Variants in RPL39L observed in about 807,000 individuals in gnomAD.
RPL39L encodes the protein ribosomal protein L39 like.
For missense variants in RPL39L, 48 were observed against 58.9 expected (o/e 0.81, Z 0.61); for synonymous variants, 16 against 20.1 (o/e 0.80, Z 0.55).
At chr3:187,127,430 G>T (rs560631564) in intron 2 of RPL39L, among the ~76,000 whole-genome samples, 98 of 152,368 alleles carry the variant, frequency 6.4e-4, no homozygotes, top group Non-Finnish European at 1.8e-4. Context: ...TACAGGTAAA[G>T]ATAGTGGTCA....
chr3:187,137,140 A>C (rs1270436725), intron 1 of RPL39L, among the ~76,000 whole-genome samples: 5 of 133,546 alleles, frequency 3.7e-5, no homozygotes, highest in African/African-American at 1.4e-4. Flanking sequence ...ATGAGGTTGT[A>C]GTGAGTCATG....
rs969090287 is a variant in RPL39L, at chr3:187,121,064, G to A, written c.*81C>T. ...AACATGTGCAACTGTCCAGGTAGTGGTGACATTTTCAGCTTGATATCGTAA... is the reference window on the plus strand; with the variant it reads ...AACATGTGCAACTGTCCAGGTAGTGATGACATTTTCAGCTTGATATCGTAA... On this transcript the variant is annotated 3_prime_UTR_variant, in exon 3 of 3. Transcript: ENST00000296277. The A allele has an allele frequency of 6.7e-7, 1 of 1,489,538 alleles. No individual in the cohort carries two copies. The allele number at this position is 1,489,538 out of a possible 1,614,324, so 92.3% of individuals were successfully genotyped here. A position where few individuals can be genotyped will look rare whatever the true frequency, so the allele number is the denominator to read the frequency against.
chr3:187,134,660 T>C (rs1202015983), intron 1 of RPL39L, among the ~76,000 whole-genome samples: 2 of 152,196 alleles, frequency 1.3e-5, no homozygotes, highest in African/African-American at 4.8e-5. Context: ...CCTTATGAGA[T>C]GGGTACCACC....
In RPL39L at chr3:187,138,005, T is replaced by C. The variant is rs146934607; in HGVS notation, c.-93+1208A>G. On this transcript the variant is annotated intron_variant, in intron 1 of 2. Coordinates refer to ENST00000296277, the MANE Select transcript of RPL39L (RefSeq NM_052969.3). ...TTTCTCTAAGCAAACTCTCTTAGGT[T>C]CTGAAATTGAGAAGGCGTGGAGGGT... Among the ~76,000 whole-genome samples the C allele has an allele frequency of 2.2e-3, 334 of 152,282 alleles. 2 individuals are homozygous for C. The highest frequency in any genetic ancestry group is 7.4e-3 in the African/African-American group (307 of 41,560).
At chr3:187,138,028 G>A (rs1240384712) in intron 1 of RPL39L, among the ~76,000 whole-genome samples, 1 of 152,020 alleles carries the variant, frequency 6.6e-6, no homozygotes, top group Non-Finnish European at 1.5e-5. Flanking sequence ...AGGCGTGGAG[G>A]GTGACTATTG....
intron 1 of RPL39L, among the ~76,000 whole-genome samples, chr3:187,131,674 C>A (rs1398836323): frequency 6.6e-6 from 1 of 152,184 alleles, no homozygotes; most frequent in African/African-American, 2.4e-5. Context: ...TTTTTCTAAT[C>A]TGTAATATGT....
At chr3:187,138,879 G>GT (rs1236633836) in intron 1 of RPL39L, among the ~76,000 whole-genome samples, 1 of 152,064 alleles carries the variant, frequency 6.6e-6, no homozygotes, top group African/African-American at 2.4e-5. Flanking sequence ...GACCAATATG[G>GT]TGAAACCCGT....
Position 187,121,076 on chromosome 3 carries a change from G to A in RPL39L, c.*69C>T. 6 of 1,554,842 alleles carry A rather than the reference G, an allele frequency of 3.9e-6. No homozygotes were observed. Among genetic ancestry groups the A allele is most frequent in the Non-Finnish European group, 5.3e-6 (6 of 1,132,020 alleles). ...TGTCCAGGTAGTGGTGACATTTTCA[G>A]CTTGATATCGTAAGATGATCGTGAA... On this transcript the variant is annotated 3_prime_UTR_variant, in exon 3 of 3. Coordinates refer to ENST00000296277, the MANE Select transcript of RPL39L (RefSeq NM_052969.3).
chr3:187,131,602 T>C (rs964827867), intron 1 of RPL39L, among the ~76,000 whole-genome samples: 7 of 152,158 alleles, frequency 4.6e-5, no homozygotes, highest in Admixed American at 4.6e-4. Context: ...CAGGCTCAAG[T>C]CTCACTGCCA....
chr3:187,137,231 G>T (rs564235614), intron 1 of RPL39L, among the ~76,000 whole-genome samples: 1 of 138,752 alleles, frequency 7.2e-6, no homozygotes, highest in South Asian at 2.3e-4. Flanking sequence ...AAAAGTGTCA[G>T]GTGCAGTGGC....
At chr3:187,135,041 T>C (rs1275728817) in intron 1 of RPL39L, among the ~76,000 whole-genome samples, 1 of 152,240 alleles carries the variant, frequency 6.6e-6, no homozygotes, top group East Asian at 1.9e-4. Flanking sequence ...AGACATTCTT[T>C]CCCAACTCAA....
intron 1 of RPL39L, among the ~76,000 whole-genome samples, chr3:187,129,298 T>A (rs1261054238): frequency 6.6e-6 from 1 of 152,212 alleles, no homozygotes; most frequent in Non-Finnish European, 1.5e-5. Flanking sequence ...TGGGGAGACG[T>A]GAAAAGCCAC....
chr3:187,134,573 T>C (rs1333845777), intron 1 of RPL39L, among the ~76,000 whole-genome samples: 1 of 151,282 alleles, frequency 6.6e-6, no homozygotes, highest in Non-Finnish European at 1.5e-5. Flanking sequence ...ATTAAATGGA[T>C]AGAATAATAT....
chr3:187,131,832 G>A (rs1038115507), intron 1 of RPL39L, among the ~76,000 whole-genome samples: 3 of 152,190 alleles, frequency 2.0e-5, no homozygotes, highest in Admixed American at 1.3e-4. Flanking sequence ...ATCTACAGCT[G>A]TATAAAGCCT....
At chr3:187,134,483 TAA>T (rs72169562) in intron 1 of RPL39L, among the ~76,000 whole-genome samples, 21 of 93,390 alleles carry the variant, frequency 2.2e-4, no homozygotes, top group African/African-American at 3.8e-4. Flanking sequence ...GCCTGACTGA[TAA>T]AAAAAAAAAA....
At chr3:187,138,086 T>A (rs1304182567) in intron 1 of RPL39L, among the ~76,000 whole-genome samples, 1 of 152,184 alleles carries the variant, frequency 6.6e-6, no homozygotes, top group Admixed American at 6.5e-5. Context: ...AATAGAAGCA[T>A]CCGTCCTGTC....
chr3:187,122,640 G>A (rs1400359729), intron 2 of RPL39L, among the ~76,000 whole-genome samples: 1 of 152,112 alleles, frequency 6.6e-6, no homozygotes, highest in Non-Finnish European at 1.5e-5. Context: ...TGAGGCTACC[G>A]GCTTTTAAGG....
In RPL39L at chr3:187,138,226, G is replaced by GT. The variant is rs1720618908; in HGVS notation, c.-93+986dup. 2.0e-5 allele frequency among the ~76,000 whole-genome samples: 3 copies of GT among 152,194 alleles called. No individual in the cohort carries two copies. In the South Asian group the frequency reaches 6.2e-4, roughly 31 times the overall value. On this transcript the variant is annotated intron_variant, in intron 1 of 2. Transcript: ENST00000296277. ...AGGCCCAGTGCAAAATGAAAATGTT[G>GT]TGGAGGTGGCGGGGAGGGGAGGCGG... is the stretch of plus-strand genomic sequence containing the variant.
chr3:187,122,604 A>G (rs961665610), intron 2 of RPL39L, among the ~76,000 whole-genome samples: 2 of 152,188 alleles, frequency 1.3e-5, no homozygotes, highest in Non-Finnish European at 2.9e-5. Context: ...AGAAAGAAAG[A>G]AAGAAAGGCA....
Sources: gnomAD v4.1 joint callset for allele counts (sites outside exome capture counted in the v4.1 genomes callset) on GRCh38, gnomAD v4.1.1 for gene constraint, MANE v1.5 for transcripts, NCBI Gene and HGNC (gene_info 2026-07-23, HGNC 2026-07-21) for gene names.